Variants in TBX4 observed in about 807,000 individuals in gnomAD.
The protein encoded by TBX4 is T-box transcription factor 4, also known as T-box transcription factor TBX4.
A neutral mutation model predicts 54.6 loss-of-function variants in TBX4; 13 were observed. The ratio of observed to expected loss-of-function variants is 0.24; its 90% CI spans 0.15 to 0.38. The LOEUF (loss-of-function observed/expected upper bound fraction) is 0.38, where lower values mean the gene tolerates loss of function less well. TBX4 is among the 10% of genes least tolerant of loss of function. TBX4 has a pLI of 1.00. For missense variants in TBX4, 631 were observed against 728.5 expected, an observed-to-expected ratio of 0.87 and a Z score of 1.54; for synonymous variants, 314 against 306.7, an observed-to-expected ratio of 1.02 and a Z score of -0.25.
chr17:61,477,462 C>G (rs1342451043), intron 5 of TBX4, among the ~76,000 whole-genome samples: 2 of 152,230 alleles, frequency 1.3e-5, no homozygotes, highest in African/African-American at 4.8e-5. Flanking sequence ...CTCAAGGGCC[C>G]TTGGGATCGG....
intron 5 of TBX4, among the ~76,000 whole-genome samples, chr17:61,470,160 T>G (rs1452496416): frequency 6.6e-6 from 1 of 152,120 alleles, no homozygotes; most frequent in African/African-American, 2.4e-5. Context: ...GTCCAACAGG[T>G]GGACTCAGTG....
Position 61,480,240 on chromosome 17 carries a change from G to C in TBX4, c.942G>C (p.Ala314=). ...AGAACGGGGCACACTCACAGCTCGC[G>C]GAGCCGCAGGACCTGCCCCTCAGCA... ...QHENGAHSQL[A]EPQDLPLSTF... Residue 314 remains alanine, a synonymous_variant, in exon 8 of 9, where the codon GCG becomes GCC. Coordinates refer to ENST00000644296, the MANE Select transcript of TBX4 (RefSeq NM_001321120.2). This position sits in a 1 kb window ranked among gnomAD's most constrained non-coding sequence, Gnocchi z 6.2. 1 of 1,614,040 alleles carries C rather than the reference G, an allele frequency of 6.2e-7. No individual in the cohort carries two copies. The highest frequency in any genetic ancestry group is 8.5e-7 in the Non-Finnish European group (1 of 1,180,004).
chr17:61,474,841 G>A lies in TBX4; in HGVS notation c.550-3786G>A, dbSNP rs1309857911. 6.6e-6 allele frequency among the ~76,000 whole-genome samples: 1 copy of A among 152,184 alleles called. No homozygotes were observed. The highest frequency in any genetic ancestry group is 2.4e-5 in the African/African-American group (1 of 41,442). ...ACTGAGTTGGTTTCACATTCTCCCG[G>A]CTGATGGGACTAAGGCTCAAGTTTA... On this transcript the variant is annotated intron_variant, in intron 5 of 8. Coordinates refer to ENST00000644296, the MANE Select transcript of TBX4 (RefSeq NM_001321120.2). This position sits in a 1 kb window ranked among gnomAD's most constrained non-coding sequence, Gnocchi z 4.6.
Position 61,481,142 on chromosome 17 carries a change from G to T in TBX4, c.1021+823G>T, listed in dbSNP as rs987240091. Among the ~76,000 whole-genome samples, 1 of 152,106 alleles carries T rather than the reference G, an allele frequency of 6.6e-6. No individual in the cohort carries two copies. Among genetic ancestry groups the T allele is most frequent in the Non-Finnish European group, 1.5e-5 (1 of 68,022 alleles). Reference sequence around the variant, plus strand: ...ATTAGAACTCAATGACCTAGAGCACGGGTTGGCAAACTGTGGCCTTCGGAC... The same window carrying T: ...ATTAGAACTCAATGACCTAGAGCACTGGTTGGCAAACTGTGGCCTTCGGAC... On this transcript the variant is annotated intron_variant, in intron 8 of 8. Coordinates refer to ENST00000644296, the MANE Select transcript of TBX4 (RefSeq NM_001321120.2). This position sits in a 1 kb window ranked among gnomAD's most constrained non-coding sequence, Gnocchi z 4.8.
chr17:61,467,487 G>A, intron 4 of TBX4, 23 bp from the exon 5 acceptor site: 3 of 1,614,210 alleles, frequency 1.9e-6, no homozygotes, highest in Non-Finnish European at 2.5e-6. Context: ...GTAATCACCT[G>A]CTCTTATCTG....
intron 5 of TBX4, among the ~76,000 whole-genome samples, chr17:61,471,892 ATTTTTTTTTTTTTT>A (rs35198276): frequency 1.1e-4 from 8 of 72,928 alleles, no homozygotes; most frequent in East Asian, 3.4e-4. Flanking sequence ...TGCCCAGCTA[ATTTTTTTTTTTTTT>A]TTTTTTTTTT....
In TBX4 at chr17:61,461,211, C is replaced by G. The variant is rs1254720493; in HGVS notation, c.281+3580C>G. Among the ~76,000 whole-genome samples, 1 of 152,212 alleles carries G rather than the reference C, an allele frequency of 6.6e-6. No individual in the cohort carries two copies. Among genetic ancestry groups the G allele is most frequent in the Non-Finnish European group, 1.5e-5 (1 of 68,036 alleles). On this transcript the variant is annotated intron_variant, in intron 3 of 8. Coordinates refer to ENST00000644296, the MANE Select transcript of TBX4 (RefSeq NM_001321120.2). The surrounding 1 kb of genome is among the most constrained non-coding windows in gnomAD (Gnocchi z 5.1). ...CAACATCCATTCCACACACTCTCAC[C>G]CCTGCCCCTCCCTCAGGGAAAAGAT...
At chr17:61,477,694 A>G (rs1304709533) in intron 5 of TBX4, among the ~76,000 whole-genome samples, 3 of 152,204 alleles carry the variant, frequency 2.0e-5, no homozygotes, top group Non-Finnish European at 2.9e-5. Flanking sequence ...TAATCCCAGC[A>G]CTTTGGGAGG....
chr17:61,470,967 C>T (rs35500387), intron 5 of TBX4, among the ~76,000 whole-genome samples: 14,578 of 152,186 alleles, frequency 0.096, 895 homozygotes, highest in East Asian at 0.23. Flanking sequence ...TCCTGTAGCA[C>T]GATGAGGAAA....
Position 61,456,534 on chromosome 17 carries a change from G to C in TBX4, c.44G>C (p.Arg15Pro), listed in dbSNP as rs1198102989. The C allele has an allele frequency of 6.4e-7, 1 of 1,559,560 alleles. No homozygotes were observed. The highest frequency in any genetic ancestry group is 8.7e-7 in the Non-Finnish European group (1 of 1,152,466). Residue 15 changes from arginine to proline, a missense_variant, in exon 2 of 9, where the codon CGG (arginine) becomes CCG (proline). Arg to Pro is a moderately radical substitution (Grantham distance 103). Coordinates refer to ENST00000644296, the MANE Select transcript of TBX4 (RefSeq NM_001321120.2). ...CTGTCCGAGAGCGAGGAGGCCTTCC[G>C]GGCCCCGGGCCCAGCGCTCGGAGAG... ...KGLSESEEAFRAPGPALGEAS... is the reference protein window; with the variant it reads ...KGLSESEEAFPAPGPALGEAS...
intron 1 of TBX4, chr17:61,452,949 A>G (rs2060424672): frequency 1.0e-6 from 1 of 985,334 alleles, no homozygotes; most frequent in East Asian, 1.1e-4. Flanking sequence ...AGGCCAAGGA[A>G]GAGGGCCCCG....
intron 1 of TBX4, among the ~76,000 whole-genome samples, chr17:61,455,438 GCA>G (rs1471066376): frequency 6.6e-6 from 1 of 152,252 alleles, no homozygotes; most frequent in Non-Finnish European, 1.5e-5. Context: ...GGGAAGCGGA[GCA>G]AGCGGGGCAC....
intron 3 of TBX4, among the ~76,000 whole-genome samples, chr17:61,458,025 G>A (rs2060466811): frequency 6.6e-6 from 1 of 152,176 alleles, no homozygotes; most frequent in Admixed American, 6.5e-5. Context: ...CAGATGGGGA[G>A]AGGGAAATAG....
chr17:61,466,583 C>G (rs780372736), intron 4 of TBX4, among the ~76,000 whole-genome samples: 3 of 152,222 alleles, frequency 2.0e-5, no homozygotes, highest in Non-Finnish European at 1.5e-5. Flanking sequence ...CTCGGAACAG[C>G]GCTCCAGGAG....
intron 5 of TBX4, among the ~76,000 whole-genome samples, chr17:61,470,562 C>G (rs996379009): frequency 1.3e-5 from 2 of 151,848 alleles, no homozygotes; most frequent in Non-Finnish European, 2.9e-5. Context: ...AAAGCCTTCA[C>G]AGCAGAAATC....
Position 61,483,169 on chromosome 17 carries a change from G to GT in TBX4, c.1295dup (p.Gln433AlafsTer41). 1 of 1,614,088 alleles carries GT rather than the reference G, an allele frequency of 6.2e-7. No homozygotes were observed. The highest frequency in any genetic ancestry group is 8.5e-7 in the Non-Finnish European group (1 of 1,180,032). On this transcript the variant is annotated frameshift_variant, in exon 9 of 9. Transcript: ENST00000644296. LOFTEE classifies it high-confidence loss of function. This position sits in a 1 kb window ranked among gnomAD's most constrained non-coding sequence, Gnocchi z 6.6. ...AGTGTCGCCGTACACCAGCTATAGC[G>GT]TGCAGACGATGGAGACTGTGCCGTA...
In TBX4 at chr17:61,457,626, T is replaced by A; in HGVS notation, c.276T>A (p.Ala92=). The A allele has an allele frequency of 3.1e-6, 5 of 1,613,124 alleles. No individual in the cohort carries two copies. Among genetic ancestry groups the A allele is most frequent in the Non-Finnish European group, 3.4e-6 (4 of 1,179,674 alleles). ...EAGTEMIITK[A]GRRMFPSYKV... ...GCACCGAGATGATCATCACTAAGGCTGGCAGGTCAGCGCTGGGAGATTTAC... is the reference window on the plus strand; with the variant it reads ...GCACCGAGATGATCATCACTAAGGCAGGCAGGTCAGCGCTGGGAGATTTAC... The change falls in exon 3 of 9, where the codon GCT becomes GCA. Residue 92 remains alanine (A), a synonymous_variant. Coordinates refer to ENST00000644296, the MANE Select transcript of TBX4 (RefSeq NM_001321120.2). This position sits in a 1 kb window ranked among gnomAD's most constrained non-coding sequence, Gnocchi z 8.2.
chr17:61,454,219 A>G (rs756957607), intron 1 of TBX4, among the ~76,000 whole-genome samples: 5 of 152,276 alleles, frequency 3.3e-5, no homozygotes, highest in Admixed American at 1.3e-4. Flanking sequence ...CTACTATGGT[A>G]ATAAGGACAA....
chr17:61,483,471 G>T lies in TBX4; in HGVS notation c.1596G>T (p.Gln532His). 4 of 1,614,172 alleles carry T rather than the reference G, an allele frequency of 2.5e-6. No homozygotes were observed. The highest frequency in any genetic ancestry group is 3.4e-6 in the Non-Finnish European group (4 of 1,180,038). Residue 532 changes from glutamine to histidine, a missense_variant, in exon 9 of 9, where the codon CAG (glutamine) becomes CAT (histidine). Coordinates refer to ENST00000644296, the MANE Select transcript of TBX4 (RefSeq NM_001321120.2). The surrounding 1 kb of genome is among the most constrained non-coding windows in gnomAD (Gnocchi z 6.6). ...CCTTGTCCCGAGAATCTTCCTTACA[G>T]TACCATTCAGGAATGGGGACTGTGG... ...TFSLSRESSLQYHSGMGTVEN... is the reference protein window; with the variant it reads ...TFSLSRESSLHYHSGMGTVEN...
Sources: gnomAD v4.1 joint callset for allele counts (sites outside exome capture counted in the v4.1 genomes callset) on GRCh38, gnomAD v4.1.1 for gene constraint, Gnocchi (gnomAD v3.1) non-coding constraint, MANE v1.5 for transcripts, NCBI Gene and HGNC (gene_info 2026-07-23, HGNC 2026-07-21) for gene names.